The following PCDHGA8 variants were observed in gnomAD, a reference collection of about 807,000 sequenced individuals.
PCDHGA8 encodes the protein protocadherin gamma subfamily A, 8.
In PCDHGA8, 45 loss-of-function variants were observed where a neutral mutation model predicts 59.2. The observed-to-expected ratio is 0.76, with a 90% CI of 0.60 to 0.98. The LOEUF (loss-of-function observed/expected upper bound fraction) is 0.98. Among genes scored for constraint, PCDHGA8 ranks in the 50% least tolerant of loss-of-function variants. PCDHGA8 has a pLI of 0.00. For missense variants in PCDHGA8, 1,257 were observed against 1,196.2 expected (o/e 1.05, Z -0.75); for synonymous variants, 531 against 519.0 (o/e 1.02, Z -0.32).
intron 1 of PCDHGA8, among the ~76,000 whole-genome samples, chr5:141,480,408 C>A (rs371569489): frequency 7.2e-6 from 1 of 138,932 alleles, no homozygotes; most frequent in African/African-American, 2.9e-5. Flanking sequence ...GAGTGAGACC[C>A]TGTCTCAAAA....
intron 1 of PCDHGA8, chr5:141,404,243 C>A: frequency 6.2e-7 from 1 of 1,613,810 alleles, no homozygotes; most frequent in Non-Finnish European, 8.5e-7. Flanking sequence ...AGGAACTCCG[C>A]CCCTGTCCAC....
chr5:141,415,739 G>A, intron 1 of PCDHGA8: 4 of 434,948 alleles, frequency 9.2e-6, no homozygotes, highest in Non-Finnish European at 1.3e-5. Context: ...TGTTTATTAA[G>A]GTTTTTTTTT....
At chr5:141,473,283 A>G (rs2099318531) in intron 1 of PCDHGA8, among the ~76,000 whole-genome samples, 1 of 152,324 alleles carries the variant, frequency 6.6e-6, no homozygotes, top group Non-Finnish European at 1.5e-5. Flanking sequence ...TTATTTTACT[A>G]TGTCAGTAGC....
At position 141,431,871 on chromosome 5, in the gene PCDHGA8, T is replaced by C; in HGVS notation, c.2424+36634T>C. The C allele has an allele frequency of 1.9e-6, 3 of 1,614,234 alleles. No homozygotes were observed. The highest frequency in any genetic ancestry group is 2.5e-6 in the Non-Finnish European group (3 of 1,180,032). The stretch of plus-strand genomic sequence containing the variant: ...GGGACATTAATTGCCCTTTTAAATG[T>C]AAATGACCAAGATTCTGAGGAAAAC... On this transcript the variant is annotated intron_variant, in intron 1 of 3. Coordinates refer to ENST00000398604, the MANE Select transcript of PCDHGA8 (RefSeq NM_032088.2). The surrounding 1 kb of genome is among the most constrained non-coding windows in gnomAD (Gnocchi z 4.8).
At chr5:141,505,554 C>T in intron 3 of PCDHGA8, 73 bp downstream of exon 3, 1 of 1,606,130 alleles carries the variant, frequency 6.2e-7, no homozygotes, top group Non-Finnish European at 8.5e-7. Context: ...AGCCACCATG[C>T]CCACGGACTG....
chr5:141,396,538 T>C (rs1352031358), intron 1 of PCDHGA8: 1 of 151,514 alleles, frequency 6.6e-6, no homozygotes, highest in Non-Finnish European at 1.5e-5. Flanking sequence ...AAGAATCACT[T>C]GAACCCGGGA....
intron 1 of PCDHGA8, chr5:141,427,447 T>A (rs556527924): frequency 1.9e-4 from 92 of 483,324 alleles, no homozygotes; most frequent in African/African-American, 1.4e-3. Context: ...AACGAAAGAG[T>A]TCCTTTTAGA....
chr5:141,487,595 G>C lies in PCDHGA8; in HGVS notation c.2425-7212G>C. ...TGTTCGCCCAAGCTGCCCACCCTCT[G>C]ATCTTCTCTATGGGCTAGAGGTGAG... On this transcript the variant is annotated intron_variant, in intron 1 of 3. Coordinates refer to ENST00000398604, the MANE Select transcript of PCDHGA8 (RefSeq NM_032088.2). The surrounding 1 kb of genome is among the most constrained non-coding windows in gnomAD (Gnocchi z 5.0). 1 of 1,614,202 alleles carries C rather than the reference G, an allele frequency of 6.2e-7. No homozygotes were observed. The highest frequency in any genetic ancestry group is 8.5e-7 in the Non-Finnish European group (1 of 1,180,038).
intron 1 of PCDHGA8, chr5:141,416,038 G>T: frequency 5.1e-6 from 1 of 196,894 alleles, no homozygotes; most frequent in Non-Finnish European, 1.0e-5. Flanking sequence ...AATCACCTCT[G>T]GAAACACAAC....
At chr5:141,406,908 A>G (rs1256233458) in intron 1 of PCDHGA8, among the ~76,000 whole-genome samples, 2 of 152,204 alleles carry the variant, frequency 1.3e-5, no homozygotes, top group Non-Finnish European at 2.9e-5. Flanking sequence ...GTTTTTAGCT[A>G]TAAGGAAGAG....
intron 1 of PCDHGA8, chr5:141,418,389 AT>A (rs1429903562): frequency 5.6e-6 from 9 of 1,613,878 alleles, no homozygotes; most frequent in Non-Finnish European, 6.8e-6. Flanking sequence ...CCTAACGAGT[AT>A]TTCTCATTGG....
intron 1 of PCDHGA8, chr5:141,411,436 T>C (rs2095489663): frequency 6.7e-6 from 1 of 149,586 alleles, no homozygotes; most frequent in South Asian, 2.1e-4. Flanking sequence ...AAAAAAACAT[T>C]AGCAGAGTGT....
At chr5:141,465,979 G>C (rs779605313) in intron 1 of PCDHGA8, among the ~76,000 whole-genome samples, 26 of 151,846 alleles carry the variant, frequency 1.7e-4, no homozygotes, top group Non-Finnish European at 3.8e-4. Flanking sequence ...AAAATTAGCC[G>C]GGCATGGTGG....
intron 1 of PCDHGA8, among the ~76,000 whole-genome samples, chr5:141,472,313 A>G (rs1411876003): frequency 6.7e-6 from 1 of 150,164 alleles, no homozygotes; most frequent in East Asian, 2.0e-4. Context: ...AAGCCGAGGC[A>G]GGCAGATCAC....
intron 1 of PCDHGA8, chr5:141,413,040 C>G: frequency 1.2e-6 from 1 of 840,546 alleles, no homozygotes; most frequent in Non-Finnish European, 1.8e-6. Flanking sequence ...GGCTGCTGGG[C>G]TGCAGGGAAG....
In PCDHGA8 at chr5:141,431,775, A is replaced by T; in HGVS notation, c.2424+36538A>T. 6.2e-7 allele frequency: 1 copy of T among 1,614,204 alleles called. No homozygotes were observed. Among genetic ancestry groups the T allele is most frequent in the Non-Finnish European group, 8.5e-7 (1 of 1,180,024 alleles). ...GCCAAAGTCCTGATCACTGTTCTGG[A>T]CGTGAACGACAATGCCCCAGAAGTG... On this transcript the variant is annotated intron_variant, in intron 1 of 3. Transcript: ENST00000398604. This position sits in a 1 kb window ranked among gnomAD's most constrained non-coding sequence, Gnocchi z 4.8.
chr5:141,405,677 C>T (rs1204978047), intron 1 of PCDHGA8, among the ~76,000 whole-genome samples: 3 of 152,088 alleles, frequency 2.0e-5, no homozygotes, highest in African/African-American at 7.2e-5. Context: ...GGGGTGTCAC[C>T]ATGTTGGCCA....
Position 141,394,082 on chromosome 5 carries a change from G to C in PCDHGA8, c.1269G>C (p.Met423Ile). The C allele has an allele frequency of 6.2e-7, 1 of 1,613,830 alleles. No homozygotes were observed. The highest frequency in any genetic ancestry group is 8.5e-7 in the Non-Finnish European group (1 of 1,179,838). Residue 423 changes from methionine (M) to isoleucine (I), a missense_variant, in exon 1 of 4, where the codon ATG (methionine) becomes ATC (isoleucine). By Grantham distance (10) the Met-to-Ile change is conservative. Transcript: ENST00000398604. The part of the protein sequence containing the change: ...ENVSIYNITV[M>I]ASDLGTPPLS... Reference sequence around the variant, plus strand: ...TCTCTATCTACAATATCACAGTGATGGCCTCAGATCTAGGAACACCACCTC... The same window carrying C: ...TCTCTATCTACAATATCACAGTGATCGCCTCAGATCTAGGAACACCACCTC...
At chr5:141,420,537 T>C (rs1246315357) in intron 1 of PCDHGA8, 2 of 317,450 alleles carry the variant, frequency 6.3e-6, no homozygotes, top group Non-Finnish European at 1.1e-5. Context: ...GTTAAAAATA[T>C]AAAATACAGG....
Sources: gnomAD v4.1 joint callset for allele counts (sites outside exome capture counted in the v4.1 genomes callset) on GRCh38, gnomAD v4.1.1 for gene constraint, Gnocchi (gnomAD v3.1) non-coding constraint, MANE v1.5 for transcripts, NCBI Gene and HGNC (gene_info 2026-07-23, HGNC 2026-07-21) for gene names.